HK1: variants seen among roughly 807,000 people sequenced by gnomAD.
HK1 encodes hexokinase-1.
HK1 carries 28 observed loss-of-function variants against 91.6 expected under a neutral mutation model. The ratio of observed to expected loss-of-function variants is 0.31; its 90% CI spans 0.23 to 0.42. HK1 has a LOEUF of 0.42. Ranked by LOEUF, HK1 falls within the 10% of genes least tolerant of loss-of-function variation. HK1 has a pLI of 1.00. For synonymous variants in HK1, 430 were observed against 468.1 expected (o/e 0.92, Z 1.05); for missense variants, 770 against 1,219.8 (o/e 0.63, Z 5.49).
chr10:69,347,024 C>T (rs145779219), intron 2 of HK1, among the ~76,000 whole-genome samples: 4 of 151,878 alleles, frequency 2.6e-5, no homozygotes, highest in African/African-American at 7.2e-5. Context: ...CAGATACTTA[C>T]ATTTCCTCTT....
chr10:69,348,853 G>T (rs746670808), intron 2 of HK1, among the ~76,000 whole-genome samples: 2 of 152,140 alleles, frequency 1.3e-5, no homozygotes, highest in Non-Finnish European at 2.9e-5. Flanking sequence ...ACTCAGGCAG[G>T]CATTTCCCGC....
intron 1 of HK1, among the ~76,000 whole-genome samples, chr10:69,276,138 T>TATATATATATATATATATATATAC (rs753204633): frequency 3.7e-4 from 28 of 76,408 alleles, no homozygotes; most frequent in Admixed American, 1.3e-3. Context: ...TATATATATA[T>TATATATATATATATATATATATAC]ACACATATAT....
intron 8 of HK1, 131 bp from the exon 9 acceptor site, chr10:69,379,731 C>T (rs1011422893): frequency 5.8e-6 from 4 of 692,154 alleles, no homozygotes; most frequent in Non-Finnish European, 1.1e-5. Flanking sequence ...TGACAGTCTT[C>T]ATCCCATACC....
At chr10:69,382,887 C>T (rs1839463479) in intron 10 of HK1, 96 bp downstream of exon 10, 2 of 1,180,660 alleles carry the variant, frequency 1.7e-6, no homozygotes, top group Non-Finnish European at 1.2e-6. Context: ...TGCCTTCACA[C>T]TGGTGATGCA....
At chr10:69,317,067 C>T (rs562238762), upstream of HK1, among the ~76,000 whole-genome samples, 45 of 152,302 alleles carry the variant, frequency 3.0e-4, no homozygotes, top group African/African-American at 1.1e-3. Context: ...TAAATTGGCA[C>T]TCTCTATGGA....
At chr10:69,279,195 T>A (rs1589430895) in intron 1 of HK1, among the ~76,000 whole-genome samples, 1 of 152,134 alleles carries the variant, frequency 6.6e-6, no homozygotes, top group Non-Finnish European at 1.5e-5. Flanking sequence ...GAGAGGCAGG[T>A]CTCTGTGTTG....
chr10:69,394,327 G>A (rs1375953446), intron 15 of HK1, among the ~76,000 whole-genome samples: 3 of 152,270 alleles, frequency 2.0e-5, no homozygotes, highest in African/African-American at 7.2e-5. Context: ...GGCTTGACCA[G>A]TACTCTGGGT....
intron 4 of HK1, among the ~76,000 whole-genome samples, chr10:69,299,437 G>A (rs1447633255): frequency 2.6e-5 from 4 of 151,272 alleles, no homozygotes; most frequent in Non-Finnish European, 4.4e-5. Flanking sequence ...GCGTGATCTC[G>A]GCTCCTGCAA....
At chr10:69,271,632 C>T (rs1241413545) in intron 1 of HK1, among the ~76,000 whole-genome samples, 1 of 151,862 alleles carries the variant, frequency 6.6e-6, no homozygotes, top group Non-Finnish European at 1.5e-5. Context: ...TGCCTCCCAC[C>T]ACGCCCGGCT....
intron 8 of HK1, among the ~76,000 whole-genome samples, chr10:69,379,589 G>A (rs533760211): frequency 2.8e-4 from 43 of 152,262 alleles, no homozygotes; most frequent in African/African-American, 9.6e-4. Context: ...CCTGTTCAGA[G>A]GCCACATAGT....
At chr10:69,334,211 C>T (rs1012444221) in intron 1 of HK1, among the ~76,000 whole-genome samples, 2 of 152,196 alleles carry the variant, frequency 1.3e-5, no homozygotes, top group African/African-American at 4.8e-5. Context: ...CTGAGAGACA[C>T]ATATGAACCT....
intron 5 of HK1, among the ~76,000 whole-genome samples, chr10:69,307,224 A>C (rs948492450): frequency 3.3e-5 from 5 of 152,120 alleles, no homozygotes; most frequent in African/African-American, 1.2e-4. Flanking sequence ...ACAGCGAGAG[A>C]GGAGACATAC....
chr10:69,323,358 A>G (rs1333294076), intron 1 of HK1, among the ~76,000 whole-genome samples: 1 of 151,968 alleles, frequency 6.6e-6, no homozygotes, highest in African/African-American at 2.4e-5. Flanking sequence ...CTCATCTTAA[A>G]AAAAAATTTT....
At chr10:69,354,985 C>G (rs1849056276) in intron 2 of HK1, among the ~76,000 whole-genome samples, 1 of 146,266 alleles carries the variant, frequency 6.8e-6, no homozygotes, top group Admixed American at 7.1e-5. Context: ...AGGAGAATCA[C>G]TTGAACCTGG....
intron 16 of HK1, among the ~76,000 whole-genome samples, chr10:69,395,723 G>A (rs1840105191): frequency 6.6e-6 from 1 of 152,122 alleles, no homozygotes; most frequent in African/African-American, 2.4e-5. Flanking sequence ...TACTTGTATT[G>A]GGGGTGCATA....
chr10:69,360,310 A>G (rs1564540208), intron 3 of HK1, among the ~76,000 whole-genome samples: 1 of 152,188 alleles, frequency 6.6e-6, no homozygotes, highest in African/African-American at 2.4e-5. Flanking sequence ...GGGTTTGAGG[A>G]GGGAGGCTCC....
chr10:69,295,526 AC>A, intron 3 of HK1: 1 of 782,582 alleles, frequency 1.3e-6, no homozygotes, highest in Non-Finnish European at 2.3e-6. Context: ...ACTTGTAATT[AC>A]TTTTGTTTTC....
At chr10:69,317,069 C>A (rs1343925162), upstream of HK1, among the ~76,000 whole-genome samples, 1 of 152,156 alleles carries the variant, frequency 6.6e-6, no homozygotes, top group Non-Finnish European at 1.5e-5. Flanking sequence ...AATTGGCACT[C>A]TCTATGGAAA....
At chr10:69,391,727 G>A (rs1839904830) in intron 14 of HK1, among the ~76,000 whole-genome samples, 1 of 152,172 alleles carries the variant, frequency 6.6e-6, no homozygotes, top group Non-Finnish European at 1.5e-5. Flanking sequence ...ATATAGGCAT[G>A]TATATATTGT....
Sources: allele counts gnomAD v4.1 joint callset (sites outside exome capture counted in the v4.1 genomes callset), GRCh38; gene constraint gnomAD v4.1.1; transcripts MANE v1.5; gene names NCBI Gene and HGNC (gene_info 2026-07-23, HGNC 2026-07-21).